The following IGF1R variants were observed in gnomAD, a reference collection of about 807,000 sequenced individuals.
The protein encoded by IGF1R is insulin like growth factor 1 receptor, also known as insulin-like growth factor 1 receptor.
In IGF1R, 44 loss-of-function variants were observed where a neutral mutation model predicts 144.6. The observed-to-expected ratio is 0.30, with a 90% CI of 0.24 to 0.39. IGF1R has a LOEUF of 0.39. IGF1R is among the 10% of genes least tolerant of loss of function. The pLI is 1.00. For missense variants in IGF1R, 1,355 were observed against 1,833.7 expected (o/e 0.74, Z 4.77); for synonymous variants, 795 against 722.8 (o/e 1.10, Z -1.60).
In IGF1R at chr15:98,649,526, T is replaced by C. The variant is rs1179383126; in HGVS notation, c.-56T>C. 1 of 42,416 alleles carries C rather than the reference T, an allele frequency of 2.4e-5. No individual in the cohort carries two copies. The highest frequency in any genetic ancestry group is 2.7e-4 in the Admixed American group (1 of 3,718). 2.6% of individuals were successfully genotyped at this position (42,416 alleles called of 1,614,324 possible). On this transcript the variant is annotated 5_prime_UTR_variant, in exon 1 of 21. Coordinates refer to ENST00000650285, the MANE Select transcript of IGF1R (RefSeq NM_000875.5). The stretch of plus-strand genomic sequence containing the variant: ...CATTTCCTTTTTTTCTTTTCTTTTC[T>C]TTTTTTTTTTTTTTTTTTTTTTTGA...
intron 15 of IGF1R, among the ~76,000 whole-genome samples, 179 bp from the exon 16 acceptor site, chr15:98,934,645 T>C (rs1465057311): frequency 6.6e-6 from 1 of 152,188 alleles, no homozygotes; most frequent in East Asian, 1.9e-4. Context: ...ACTGTACAGT[T>C]TTCTTACTCA....
chr15:98,649,574 TA>T lies in IGF1R; in HGVS notation c.-4del, dbSNP rs757454207. 1 of 1,299,652 alleles carries T rather than the reference TA, an allele frequency of 7.7e-7. No individual in the cohort carries two copies. The highest frequency in any genetic ancestry group is 1.2e-5 in the South Asian group (1 of 83,406). 80.5% of individuals were successfully genotyped at this position (1,299,652 alleles called of 1,614,324 possible). A position where few individuals can be genotyped will look rare whatever the true frequency, so the allele number is the denominator to read the frequency against. On this transcript the variant is annotated 5_prime_UTR_variant, in exon 1 of 21. Coordinates refer to ENST00000650285, the MANE Select transcript of IGF1R (RefSeq NM_000875.5). ...TGAGAAAGGGGAATTTCATCCCAAA[TA>T]AAAGGAATGAAGTCTGGCTCCGGAG...
chr15:98,914,670 G>A (rs754866782), intron 8 of IGF1R, among the ~76,000 whole-genome samples: 2 of 152,190 alleles, frequency 1.3e-5, no homozygotes, highest in South Asian at 2.1e-4. Flanking sequence ...AGGAATATCT[G>A]CTTATTGTGA....
In IGF1R at chr15:98,707,437, C is replaced by T. The variant is rs752960768; in HGVS notation, c.95-125C>T. 1 of 1,016,800 alleles carries T rather than the reference C, an allele frequency of 9.8e-7. No homozygotes were observed. Among genetic ancestry groups the T allele is most frequent in the Admixed American group, 2.0e-5 (1 of 50,022 alleles). The allele number at this position is 1,016,800 out of a possible 1,614,324, so 63.0% of individuals were successfully genotyped here. A position where few individuals can be genotyped will look rare whatever the true frequency, so the allele number is the denominator to read the frequency against. On this transcript the variant is annotated intron_variant, in intron 1 of 20. Transcript: ENST00000650285. The surrounding 1 kb of genome is among the most constrained non-coding windows in gnomAD (Gnocchi z 6.7). ...CTGCAACCCACAGCTCTGCAGTGAACAATTGAACCTCATTTCTTTAATAAT... is the reference window on the plus strand; with the variant it reads ...CTGCAACCCACAGCTCTGCAGTGAATAATTGAACCTCATTTCTTTAATAAT...
chr15:98,963,307 T>G lies in IGF1R; in HGVS notation c.*5865T>G, dbSNP rs3803475. 82 of 232,510 alleles carry G rather than the reference T, an allele frequency of 3.5e-4. No individual in the cohort carries two copies. The East Asian group carries it at 5.0e-3, about 14-fold the overall frequency. 14.4% of individuals were successfully genotyped at this position (232,510 alleles called of 1,614,324 possible). A position where few individuals can be genotyped will look rare whatever the true frequency, so the allele number is the denominator to read the frequency against. The stretch of plus-strand genomic sequence containing the variant: ...CCCTGACCCCATCCGTGGTTCACCC[T>G]CTTTTCCCCCCATGCTTTTTGCCCT... On this transcript the variant is annotated 3_prime_UTR_variant, in exon 21 of 21. Transcript: ENST00000650285.
intron 2 of IGF1R, among the ~76,000 whole-genome samples, chr15:98,790,720 G>C (rs1489601758): frequency 2.0e-5 from 3 of 152,136 alleles, no homozygotes; most frequent in African/African-American, 7.2e-5. Flanking sequence ...AAAATTAACG[G>C]CATTAGAACT....
At chr15:98,661,956 CTTTTT>C (rs869208651) in intron 1 of IGF1R, among the ~76,000 whole-genome samples, 36,884 of 105,844 alleles carry the variant, frequency 0.35, 6,764 homozygotes, top group Non-Finnish European at 0.41. Context: ...GAATAGGGCC[CTTTTT>C]TTTTTTTTTT....
rs2017306319 is a variant in IGF1R at position 98,963,461 on chromosome 15, C to T, written c.*6019C>T. On this transcript the variant is annotated 3_prime_UTR_variant, in exon 21 of 21. Transcript: ENST00000650285. ...GTCATTTCCCTTTGGAGTGTAGCTA[C>T]TTTAACAGATGGAAAGAACCTCATT... 3 of 233,252 alleles carry T rather than the reference C, an allele frequency of 1.3e-5. No homozygotes were observed. The highest frequency in any genetic ancestry group is 1.7e-5 in the Non-Finnish European group (2 of 118,064). 14.4% of individuals were successfully genotyped at this position (233,252 alleles called of 1,614,324 possible). A position where few individuals can be genotyped will look rare whatever the true frequency, so the allele number is the denominator to read the frequency against.
chr15:98,957,473 A>T lies in IGF1R; in HGVS notation c.*31A>T. On this transcript the variant is annotated 3_prime_UTR_variant, in exon 21 of 21. Coordinates refer to ENST00000650285, the MANE Select transcript of IGF1R (RefSeq NM_000875.5). Reference sequence around the variant, plus strand: ...GGATCCTGAATCTGTGCAAACAGTAACGTGTGCGCACGCGCAGCGGGGTGG... The same window carrying T: ...GGATCCTGAATCTGTGCAAACAGTATCGTGTGCGCACGCGCAGCGGGGTGG... The T allele has an allele frequency of 6.2e-7, 1 of 1,611,574 alleles. No homozygotes were observed. Among genetic ancestry groups the T allele is most frequent in the African/African-American group, 1.3e-5 (1 of 75,026 alleles).
intron 2 of IGF1R, among the ~76,000 whole-genome samples, chr15:98,883,449 T>C (rs2013479991): frequency 6.6e-6 from 1 of 152,228 alleles, no homozygotes; most frequent in African/African-American, 2.4e-5. Context: ...TAAGCTTCCT[T>C]TTCCAACCTA....
intron 6 of IGF1R, 104 bp downstream of exon 6, chr15:98,909,003 C>T: frequency 1.0e-6 from 1 of 996,906 alleles, no homozygotes; most frequent in Non-Finnish European, 1.6e-6. Flanking sequence ...CTCCTGGTTT[C>T]ACATGGGGGA....
At chr15:98,952,288 C>A (rs1373141993) in intron 20 of IGF1R, among the ~76,000 whole-genome samples, 1 of 122,364 alleles carries the variant, frequency 8.2e-6, no homozygotes, top group East Asian at 2.3e-4. Context: ...CCTGGCTACC[C>A]CCCAGTACCC....
chr15:98,758,847 C>G (rs1404695447), intron 2 of IGF1R, among the ~76,000 whole-genome samples: 1 of 152,178 alleles, frequency 6.6e-6, no homozygotes, highest in Non-Finnish European at 1.5e-5. Flanking sequence ...AGGCCACTGT[C>G]TTCCCCATAA....
rs2151708293 is a variant in IGF1R, at chr15:98,935,194, T to C, written c.3187-122T>C. 4 of 954,538 alleles carry C rather than the reference T, an allele frequency of 4.2e-6. No individual in the cohort carries two copies. In the South Asian group the frequency reaches 5.6e-5, roughly 13 times the overall value. 59.1% of individuals were successfully genotyped at this position (954,538 alleles called of 1,614,324 possible). A position where few individuals can be genotyped will look rare whatever the true frequency, so the allele number is the denominator to read the frequency against. On this transcript the variant is annotated intron_variant, in intron 16 of 20. Transcript: ENST00000650285. The surrounding 1 kb of genome is among the most constrained non-coding windows in gnomAD (Gnocchi z 4.2). ...CTGGATAGTTACCCCATTACCTCACTGCTACCTTCAGACCCCTGTGCTCAG... is the reference window on the plus strand; with the variant it reads ...CTGGATAGTTACCCCATTACCTCACCGCTACCTTCAGACCCCTGTGCTCAG...
intron 2 of IGF1R, among the ~76,000 whole-genome samples, chr15:98,779,910 C>T (rs1378170613): frequency 3.3e-5 from 5 of 152,160 alleles, no homozygotes; most frequent in Admixed American, 2.0e-4. Context: ...GAGGGCAAGT[C>T]AGCCTGGGGA....
chr15:98,721,963 A>C (rs1234739397), intron 2 of IGF1R, among the ~76,000 whole-genome samples: 1 of 152,202 alleles, frequency 6.6e-6, no homozygotes, highest in African/African-American at 2.4e-5. Flanking sequence ...CATTGTGTAC[A>C]TATCACTCCC....
intron 2 of IGF1R, among the ~76,000 whole-genome samples, chr15:98,753,380 CTTTTTTTTTTT>C (rs1173073572): frequency 5.6e-4 from 34 of 60,288 alleles, no homozygotes; most frequent in Non-Finnish European, 8.5e-4. Context: ...CCATACCTGG[CTTTTTTTTTTT>C]TTTTTTTTTT....
intron 20 of IGF1R, among the ~76,000 whole-genome samples, chr15:98,956,400 C>CA (rs1455065110): frequency 1.3e-5 from 2 of 152,256 alleles, no homozygotes; most frequent in Non-Finnish European, 2.9e-5. Context: ...TGGTCCAGAA[C>CA]AGCCTGGCTC....
chr15:98,655,054 T>C (rs2052452465), intron 1 of IGF1R, among the ~76,000 whole-genome samples: 1 of 152,222 alleles, frequency 6.6e-6, no homozygotes, highest in Admixed American at 6.5e-5. Flanking sequence ...GTTCCACTAT[T>C]TGAAAAGATT....
Sources: allele counts gnomAD v4.1 joint callset (sites outside exome capture counted in the v4.1 genomes callset), GRCh38; gene constraint gnomAD v4.1.1; non-coding constraint Gnocchi (gnomAD v3.1); transcripts MANE v1.5; gene names NCBI Gene and HGNC (gene_info 2026-07-23, HGNC 2026-07-21).